PTPRJ: variants seen among roughly 807,000 people sequenced by gnomAD.
PTPRJ encodes protein tyrosine phosphatase receptor type J.
PTPRJ carries 129 observed loss-of-function variants against 141.3 expected under a neutral mutation model. That is an observed-to-expected ratio of 0.91 (90% CI 0.79 to 1.06). The LOEUF (loss-of-function observed/expected upper bound fraction) is 1.06, where lower values mean the gene tolerates loss of function less well. Among genes scored for constraint, PTPRJ ranks in the 50% least tolerant of loss-of-function variants. The pLI is 0.00. For missense variants in PTPRJ, 1,601 were observed against 1,679.7 expected, an observed-to-expected ratio of 0.95 and a Z score of 0.82; for synonymous variants, 610 against 640.5, an observed-to-expected ratio of 0.95 and a Z score of 0.72.
At chr11:48,047,482 A>G (rs1370941909) in intron 1 of PTPRJ, among the ~76,000 whole-genome samples, 3 of 148,282 alleles carry the variant, frequency 2.0e-5, no homozygotes, top group Non-Finnish European at 4.5e-5. Flanking sequence ...TTTGTTGTCA[A>G]CATTAACCTA....
chr11:48,081,935 T>G (rs1264104787), intron 1 of PTPRJ, among the ~76,000 whole-genome samples: 1 of 152,152 alleles, frequency 6.6e-6, no homozygotes, highest in Non-Finnish European at 1.5e-5. Context: ...TGGTGAATAG[T>G]CTCTTGGTAT....
At chr11:47,991,375 GTC>G (rs1854189279) in intron 1 of PTPRJ, among the ~76,000 whole-genome samples, 1 of 152,098 alleles carries the variant, frequency 6.6e-6, no homozygotes, top group Non-Finnish European at 1.5e-5. Context: ...GCTGCCTCCT[GTC>G]TCTCGGTACA....
At chr11:48,157,381 G>T (rs1397192722) in intron 21 of PTPRJ, among the ~76,000 whole-genome samples, 1 of 152,198 alleles carries the variant, frequency 6.6e-6, no homozygotes, top group African/African-American at 2.4e-5. Context: ...TGTGCCTTAG[G>T]AATGGGACTT....
intron 1 of PTPRJ, among the ~76,000 whole-genome samples, chr11:48,097,538 A>G (rs889347655): frequency 6.6e-6 from 1 of 151,786 alleles, no homozygotes; most frequent in Non-Finnish European, 1.5e-5. Context: ...CCACCTGAAG[A>G]AAATTTTTTT....
At chr11:48,147,434 T>C (rs1565327256) in intron 15 of PTPRJ, among the ~76,000 whole-genome samples, 1 of 152,186 alleles carries the variant, frequency 6.6e-6, no homozygotes, top group Non-Finnish European at 1.5e-5. Flanking sequence ...TTGTATGCTA[T>C]TACTATTATT....
intron 22 of PTPRJ, among the ~76,000 whole-genome samples, chr11:48,163,079 A>C (rs548928044): frequency 1.1e-4 from 17 of 152,170 alleles, no homozygotes; most frequent in Non-Finnish European, 2.5e-4. Context: ...GATGGGGCTC[A>C]TGCAGCTCTA....
intron 1 of PTPRJ, among the ~76,000 whole-genome samples, chr11:48,001,349 A>AGTGT (rs57503257): frequency 0.043 from 5,818 of 134,668 alleles, 134 homozygotes; most frequent in African/African-American, 0.076. Context: ...ACAGCCCCAA[A>AGTGT]GTGTGTGTGT....
At chr11:47,994,475 T>G (rs1277101216) in intron 1 of PTPRJ, among the ~76,000 whole-genome samples, 2 of 151,992 alleles carry the variant, frequency 1.3e-5, no homozygotes, top group East Asian at 3.9e-4. Context: ...AGCAACATGG[T>G]GAAACCCTGT....
chr11:48,013,641 C>T (rs1048840291), intron 1 of PTPRJ, among the ~76,000 whole-genome samples: 3 of 152,068 alleles, frequency 2.0e-5, no homozygotes, highest in Non-Finnish European at 4.4e-5. Context: ...GTGGCATCAA[C>T]CTGCAGAGGC....
At chr11:47,986,085 AAGT>A (rs1854044461) in intron 1 of PTPRJ, among the ~76,000 whole-genome samples, 1 of 152,112 alleles carries the variant, frequency 6.6e-6, no homozygotes, top group South Asian at 2.1e-4. Context: ...TCATCCTTCC[AAGT>A]AGCCAGGACT....
At position 47,986,901 on chromosome 11, in the gene PTPRJ, A is replaced by G. The variant is rs755946544; in HGVS notation, c.96+5893A>G. On this transcript the variant is annotated intron_variant, in intron 1 of 24. Transcript: ENST00000418331. ...GCAAGATGAACTGAGCTCAGTCACA[A>G]TACTTTTTTTTCCCCTAATGTTAAG... 1.6e-4 allele frequency among the ~76,000 whole-genome samples: 25 copies of G among 152,328 alleles called. No homozygotes were observed. In the South Asian group the frequency reaches 1.9e-3, roughly 11 times the overall value.
chr11:48,076,735 T>C (rs751439947), intron 1 of PTPRJ, among the ~76,000 whole-genome samples: 131 of 151,030 alleles, frequency 8.7e-4, no homozygotes, highest in Non-Finnish European at 1.5e-3. Flanking sequence ...AGGGGGAGGG[T>C]TACAAAATAT....
chr11:47,980,654 G>T lies in PTPRJ; in HGVS notation c.-259G>T. ...GCTGGGGGTGGGCGCCGCTCGCTCC[G>T]CCCCGCGAAGCCCCTGCGCGCTCAG... On this transcript the variant is annotated 5_prime_UTR_variant, in exon 1 of 25. Transcript: ENST00000418331. 3.0e-6 allele frequency: 3 copies of T among 985,100 alleles called. No individual in the cohort carries two copies. Among genetic ancestry groups the T allele is most frequent in the Non-Finnish European group, 3.6e-6 (3 of 830,874 alleles). The allele number at this position is 985,100 out of a possible 1,614,324, so 61.0% of individuals were successfully genotyped here. A position where few individuals can be genotyped will look rare whatever the true frequency, so the allele number is the denominator to read the frequency against.
At chr11:48,157,272 C>T (rs1005439400) in intron 21 of PTPRJ, among the ~76,000 whole-genome samples, 4 of 152,200 alleles carry the variant, frequency 2.6e-5, no homozygotes, top group Non-Finnish European at 5.9e-5. Flanking sequence ...AGATGTGAGC[C>T]ACCGCCCCTG....
At chr11:48,073,816 A>G (rs1406015826) in intron 1 of PTPRJ, among the ~76,000 whole-genome samples, 1 of 152,162 alleles carries the variant, frequency 6.6e-6, no homozygotes, top group African/African-American at 2.4e-5. Flanking sequence ...AATGTCTCAT[A>G]GGTTTTTCTT....
intron 1 of PTPRJ, among the ~76,000 whole-genome samples, chr11:48,061,742 G>A (rs562145327): frequency 1.3e-5 from 2 of 152,136 alleles, no homozygotes; most frequent in African/African-American, 4.8e-5. Context: ...TGCTTCAGGA[G>A]GACTTATTAT....
chr11:48,067,897 G>A (rs1350282757), intron 1 of PTPRJ, among the ~76,000 whole-genome samples: 1 of 152,172 alleles, frequency 6.6e-6, no homozygotes, highest in Admixed American at 6.5e-5. Flanking sequence ...CCTTGGGGAC[G>A]GGCTTAGTTT....
intron 23 of PTPRJ, 55 bp from the exon 24 acceptor site, chr11:48,164,325 G>A: frequency 1.3e-6 from 2 of 1,595,658 alleles, no homozygotes; most frequent in Non-Finnish European, 1.7e-6. Flanking sequence ...GGAACTCTAA[G>A]AGGGTTGCAG....
intron 1 of PTPRJ, among the ~76,000 whole-genome samples, chr11:48,007,024 A>G (rs1590398586): frequency 6.6e-6 from 1 of 152,212 alleles, no homozygotes; most frequent in East Asian, 1.9e-4. Flanking sequence ...CCCAAATTAG[A>G]GAGCAGTCTG....
Sources: gnomAD v4.1 joint callset for allele counts (sites outside exome capture counted in the v4.1 genomes callset) on GRCh38, gnomAD v4.1.1 for gene constraint, MANE v1.5 for transcripts, NCBI Gene and HGNC (gene_info 2026-07-23, HGNC 2026-07-21) for gene names.